The following MGAM variants were observed in gnomAD, a reference collection of about 807,000 sequenced individuals.
MGAM encodes the protein alpha-1,4-glucosidase.
A neutral mutation model predicts 358.8 loss-of-function variants in MGAM; 253 were observed. The observed-to-expected ratio is 0.71, with a 90% CI of 0.64 to 0.78. MGAM has a LOEUF of 0.78. MGAM is among the 30% of genes least tolerant of loss of function. The pLI is 0.00. For synonymous variants in MGAM, 1,105 were observed against 1,227.1 expected (o/e 0.90, Z 2.08); for missense variants, 3,080 against 3,432.6 (o/e 0.90, Z 2.57).
chr7:142,023,451 A>G (rs1806651404), intron 7 of MGAM, among the ~76,000 whole-genome samples: 1 of 152,092 alleles, frequency 6.6e-6, no homozygotes, highest in Non-Finnish European at 1.5e-5. Context: ...ATATATACAC[A>G]CACACACACA....
At position 142,080,848 on chromosome 7, in the gene MGAM, G is replaced by T. The variant is rs7781119; in HGVS notation, c.5905G>T (p.Val1969Leu). 1.3e-6 allele frequency: 2 copies of T among 1,556,108 alleles called. No homozygotes were observed. The highest frequency in any genetic ancestry group is 4.6e-5 in the East Asian group (2 of 43,954). The change falls in exon 50 of 71, where the codon GTG becomes TTG. Residue 1969 changes from valine (V) to leucine (L), a missense_variant. Physicochemically the swap from Val to Leu is conservative, Grantham distance 32. This residue lies in a region of MGAM where 932 missense variants were observed against 1,198.2 expected (regional missense o/e 0.78). Transcript: ENST00000475668. ...TCCAGTCCCTCTGAACATACCCAGC[G>T]TGCCATCCAGCACCCCTGAGGGTCA... ...EVPVPLNIPS[V>L]PSSTPEGQLY...
rs1017883836 is a variant in MGAM at position 142,106,568 on chromosome 7, G to A, written c.*677G>A. 1 of 152,222 alleles carries A rather than the reference G, an allele frequency of 6.6e-6. No homozygotes were observed. The highest frequency in any genetic ancestry group is 2.4e-5 in the African/African-American group (1 of 41,452). The allele number at this position is 152,222 out of a possible 1,614,324, so 9.4% of individuals were successfully genotyped here. A position where few individuals can be genotyped will look rare whatever the true frequency, so the allele number is the denominator to read the frequency against. The stretch of plus-strand genomic sequence containing the variant: ...ATCCTTAGCATAAAGGGCTACTGGT[G>A]AGATTGAGATCTGAGCAGGCAAAGC... On this transcript the variant is annotated 3_prime_UTR_variant, in exon 71 of 71. Transcript: ENST00000475668.
intron 18 of MGAM, among the ~76,000 whole-genome samples, chr7:142,037,584 T>C (rs1365274108): frequency 1.3e-5 from 2 of 152,192 alleles, no homozygotes; most frequent in African/African-American, 4.8e-5. Context: ...GGCTATTATA[T>C]ATTCATTATT....
intron 36 of MGAM, 46 bp downstream of exon 36, chr7:142,063,632 G>A (rs1429264451): frequency 6.3e-7 from 1 of 1,594,384 alleles, no homozygotes; most frequent in Non-Finnish European, 8.6e-7. Context: ...TGACTGGAAG[G>A]ATTACACTGG....
In MGAM at chr7:142,078,526, T is replaced by G. The variant is rs531250060; in HGVS notation, c.5646+56T>G. 3.5e-6 allele frequency: 5 copies of G among 1,438,190 alleles called. No individual in the cohort carries two copies. In the Admixed American group the frequency reaches 6.2e-5, roughly 18 times the overall value. 89.1% of individuals were successfully genotyped at this position (1,438,190 alleles called of 1,614,324 possible). On this transcript the variant is annotated intron_variant, in intron 48 of 70. Coordinates refer to ENST00000475668, the MANE Select transcript of MGAM (RefSeq NM_001365693.1). ...AAAATCTCCACACCTAATCTATAGT[T>G]TCTTAAGCATAGCAGTGGCACTTAT...
chr7:141,997,877 G>T (rs1387003670), intron 1 of MGAM, among the ~76,000 whole-genome samples: 1 of 152,144 alleles, frequency 6.6e-6, no homozygotes, highest in African/African-American at 2.4e-5. Context: ...CAGCATTTTT[G>T]ATGAATAGCT....
rs1326207282 is a variant in MGAM, at chr7:142,030,773, G to C, written c.1470+16G>C. The C allele has an allele frequency of 1.3e-6, 2 of 1,537,768 alleles. No homozygotes were observed. The highest frequency in any genetic ancestry group is 1.4e-5 in the African/African-American group (1 of 73,154). ...CATTGGGGAGGTAACTTAATGGGAA[G>C]GCTGGAGGCTGGTGGAGGGGCTGCA... is the stretch of plus-strand genomic sequence containing the variant. On this transcript the variant is annotated intron_variant, in intron 12 of 70. Coordinates refer to ENST00000475668, the MANE Select transcript of MGAM (RefSeq NM_001365693.1).
At chr7:142,060,013 T>C in intron 33 of MGAM, 47 bp downstream of exon 33, 1 of 630,964 alleles carries the variant, frequency 1.6e-6, no homozygotes. Context: ...TGAGGGTGGG[T>C]CACTGTTGGT....
chr7:141,991,095 C>T (rs1193877035), upstream of MGAM, among the ~76,000 whole-genome samples: 2 of 152,158 alleles, frequency 1.3e-5, no homozygotes, highest in African/African-American at 2.4e-5. Flanking sequence ...TGGGGCAAGT[C>T]GCCTTTGTGC....
chr7:142,105,995 T>C lies in MGAM; in HGVS notation c.*104T>C, dbSNP rs1816832931. On this transcript the variant is annotated 3_prime_UTR_variant, in exon 71 of 71. Transcript: ENST00000475668. Reference sequence around the variant, plus strand: ...GTTGCTAATTTGTTCATACCCACTATTGGTGAAATATTTCTGTTAATTTTG... The same window carrying C: ...GTTGCTAATTTGTTCATACCCACTACTGGTGAAATATTTCTGTTAATTTTG... 1.4e-5 allele frequency: 12 copies of C among 878,384 alleles called. No homozygotes were observed. The South Asian group carries it at 1.6e-4, about 12-fold the overall frequency. 54.4% of individuals were successfully genotyped at this position (878,384 alleles called of 1,614,324 possible). A position where few individuals can be genotyped will look rare whatever the true frequency, so the allele number is the denominator to read the frequency against.
chr7:142,003,855 T>C (rs549018933), intron 1 of MGAM, among the ~76,000 whole-genome samples: 1 of 151,158 alleles, frequency 6.6e-6, no homozygotes, highest in South Asian at 2.1e-4. Context: ...AAAAAACACA[T>C]AACCCCATTA....
intron 44 of MGAM, among the ~76,000 whole-genome samples, chr7:142,073,009 A>G (rs1207135493): frequency 6.8e-6 from 1 of 146,260 alleles, no homozygotes; most frequent in Non-Finnish European, 1.5e-5. Context: ...TTTTAGCAGG[A>G]ATATATGTTA....
intron 37 of MGAM, 120 bp from the exon 38 acceptor site, chr7:142,065,215 C>T: frequency 2.2e-6 from 3 of 1,366,226 alleles, no homozygotes; most frequent in Non-Finnish European, 3.0e-6. Context: ...CTCAGAGTCC[C>T]ATGTTCCCTC....
chr7:142,054,889 A>G lies in MGAM; in HGVS notation c.3295A>G (p.Lys1099Glu). Reference sequence around the variant, plus strand: ...TCCATTTGGGATTGAAATTCGCCGGAAGAGTACAGGCACTATAATGTGAGT... The same window carrying G: ...TCCATTTGGGATTGAAATTCGCCGGGAGAGTACAGGCACTATAATGTGAGT... ...KNPFGIEIRR[K>E]STGTIIWDSQ... Residue 1099 changes from lysine to glutamate, a missense_variant, in exon 27 of 71, where the codon AAG (lysine) becomes GAG (glutamate). Physicochemically the swap from Lys to Glu is moderately conservative, Grantham distance 56 (BLOSUM62 1). This residue lies in a region of MGAM where 1,816 missense variants were observed against 1,840.5 expected (regional missense o/e 0.99). Coordinates refer to ENST00000475668, the MANE Select transcript of MGAM (RefSeq NM_001365693.1). 6.2e-7 allele frequency: 1 copy of G among 1,613,888 alleles called. No homozygotes were observed. The highest frequency in any genetic ancestry group is 1.3e-5 in the African/African-American group (1 of 75,030).
Position 142,022,270 on chromosome 7 carries a change from T to C in MGAM, c.713T>C (p.Phe238Ser). 1 of 1,606,558 alleles carries C rather than the reference T, an allele frequency of 6.2e-7. No individual in the cohort carries two copies. The highest frequency in any genetic ancestry group is 8.5e-7 in the Non-Finnish European group (1 of 1,175,672). The change falls in exon 7 of 71, where the codon TTT becomes TCT. Residue 238 changes from phenylalanine (F) to serine (S), a missense_variant and splice_region_variant. Physicochemically the swap from Phe to Ser is radical, Grantham distance 155. Around this residue, in one of 5 missense-constraint regions of MGAM, gnomAD observed 1,816 missense variants for 1,840.5 expected, o/e 0.99. Coordinates refer to ENST00000475668, the MANE Select transcript of MGAM (RefSeq NM_001365693.1). ...VTRRSNNRVL[F>S]DSSIGPLLFA... ...TTGTGTTCTCCACCTGTGTCTAGGT[T>C]TGACTCGAGCATTGGGCCCCTACTG... is the stretch of plus-strand genomic sequence containing the variant.
chr7:142,036,400 T>A, intron 17 of MGAM, 115 bp downstream of exon 17: 1 of 784,466 alleles, frequency 1.3e-6, no homozygotes, highest in Non-Finnish European at 2.1e-6. Flanking sequence ...CTTCACTTAC[T>A]CTAATTTGCA....
chr7:142,001,015 CTCT>C (rs1804689993), intron 1 of MGAM, among the ~76,000 whole-genome samples: 1 of 152,190 alleles, frequency 6.6e-6, no homozygotes, highest in South Asian at 2.1e-4. Flanking sequence ...ATTCTAACTC[CTCT>C]TCTTATCAGT....
rs907949974 is a variant in MGAM at position 142,034,147 on chromosome 7, T to C, written c.1670-115T>C. ...ATAGTAAGGGAGCAGTGTGACTGTT[T>C]ACAGGATGCCCACAAAAGTGCCTGC... On this transcript the variant is annotated intron_variant, in intron 14 of 70. Transcript: ENST00000475668. The C allele has an allele frequency of 1.3e-5, 9 of 671,292 alleles. 1 individual carries two copies. Among genetic ancestry groups the C allele is most frequent in the East Asian group, 2.7e-5 (1 of 36,446 alleles). The allele number at this position is 671,292 out of a possible 1,614,324, so 41.6% of individuals were successfully genotyped here.
Position 142,052,864 on chromosome 7 carries a change from T to G in MGAM, c.3039T>G (p.His1013Gln), listed in dbSNP as rs1259282185. ...TCAGTGATGTTCAGTATAATTCCCA[T>G]GGGGCCACAGCTGACATCTCCTTAA... ...YSVSDVQYNS[H>Q]GATADISLKS... Residue 1013 changes from histidine to glutamine, a missense_variant, in exon 26 of 71, where the codon CAT becomes CAG. Physicochemically the swap from His to Gln is conservative, Grantham distance 24 (BLOSUM62 0). Transcript: ENST00000475668. 1 of 1,613,718 alleles carries G rather than the reference T, an allele frequency of 6.2e-7. No homozygotes were observed. The highest frequency in any genetic ancestry group is 1.7e-5 in the Admixed American group (1 of 59,976).
Sources: gnomAD v4.1 joint callset for allele counts (sites outside exome capture counted in the v4.1 genomes callset) on GRCh38, gnomAD v4.1.1 for gene constraint, gnomAD v4.1.1 regional missense constraint, MANE v1.5 for transcripts, NCBI Gene and HGNC (gene_info 2026-07-23, HGNC 2026-07-21) for gene names.